C6orf52: variants seen among roughly 807,000 people sequenced by gnomAD.
C6orf52 encodes the protein chromosome 6 open reading frame 52.
C6orf52 carries 16 observed loss-of-function variants against 16.6 expected under a neutral mutation model. That is an observed-to-expected ratio of 0.96 (90% CI 0.65 to 1.46). The LOEUF (loss-of-function observed/expected upper bound fraction) is 1.46, where lower values mean the gene tolerates loss of function less well. C6orf52 is among the 40% of genes most tolerant of loss of function. C6orf52 has a pLI of 0.00. For synonymous variants in C6orf52, 53 were observed against 61.4 expected, an observed-to-expected ratio of 0.86 and a Z score of 0.64; for missense variants, 166 against 182.3, an observed-to-expected ratio of 0.91 and a Z score of 0.52.
intron 4 of C6orf52, among the ~76,000 whole-genome samples, chr6:10,680,587 T>C (rs1050967685): frequency 6.6e-6 from 1 of 152,052 alleles, no homozygotes; most frequent in Non-Finnish European, 1.5e-5. Flanking sequence ...GACATGGCAT[T>C]AGTTCTTCTT....
At chr6:10,676,593 G>A (rs1241407464) in intron 4 of C6orf52, among the ~76,000 whole-genome samples, 1 of 152,204 alleles carries the variant, frequency 6.6e-6, no homozygotes, top group South Asian at 2.1e-4. Context: ...GCGGACAAGT[G>A]GAAAGTCTAT....
chr6:10,673,491 A>G (rs548055113), intron 4 of C6orf52, among the ~76,000 whole-genome samples: 4 of 152,228 alleles, frequency 2.6e-5, no homozygotes, highest in Non-Finnish European at 5.9e-5. Flanking sequence ...TGATGTAAGG[A>G]TAAAATATAC....
At position 10,690,336 on chromosome 6, in the gene C6orf52, G is replaced by T. The variant is rs991015082; in HGVS notation, c.-11-2775C>A. Reference sequence around the variant, plus strand: ...TCAGGTGAAGCAAATTTCTATTGGGGCACACTACTGGACAGGTTCAGGGCA... The same window carrying T: ...TCAGGTGAAGCAAATTTCTATTGGGTCACACTACTGGACAGGTTCAGGGCA... On this transcript the variant is annotated intron_variant, in intron 1 of 4. Coordinates refer to ENST00000259983, the MANE Select transcript of C6orf52 (RefSeq NM_001145020.3). 2.0e-5 allele frequency among the ~76,000 whole-genome samples: 3 copies of T among 152,080 alleles called. No homozygotes were observed. The East Asian group carries it at 5.8e-4, about 29-fold the overall frequency.
intron 1 of C6orf52, among the ~76,000 whole-genome samples, chr6:10,690,737 AAAC>A (rs1277589806): frequency 1.3e-5 from 2 of 152,228 alleles, no homozygotes; most frequent in Non-Finnish European, 2.9e-5. Context: ...CAAAGCTACA[AAAC>A]AATATCCTCT....
At chr6:10,682,773 A>T (rs2127466170) in intron 4 of C6orf52, among the ~76,000 whole-genome samples, 1 of 152,334 alleles carries the variant, frequency 6.6e-6, no homozygotes, top group South Asian at 2.1e-4. Context: ...TACAGGAAGC[A>T]CCACCAGACT....
intron 1 of C6orf52, among the ~76,000 whole-genome samples, chr6:10,690,895 C>T (rs965887303): frequency 6.6e-6 from 1 of 152,180 alleles, no homozygotes; most frequent in African/African-American, 2.4e-5. Context: ...CAGTTCCAAT[C>T]CAGTTAAACA....
chr6:10,672,428 A>T lies in C6orf52; in HGVS notation c.317-830T>A, dbSNP rs906234732. ...TTAAAAGCCTAACCCCCACAATGTG[A>T]AGGCATTTGGAGATGGGGCCTCTGG... On this transcript the variant is annotated intron_variant, in intron 4 of 4. Coordinates refer to ENST00000259983, the MANE Select transcript of C6orf52 (RefSeq NM_001145020.3). 9.6e-6 allele frequency: 5 copies of T among 523,272 alleles called. No individual in the cohort carries two copies. In the African/African-American group the frequency reaches 9.8e-5, roughly 10 times the overall value. 32.4% of individuals were successfully genotyped at this position (523,272 alleles called of 1,614,324 possible). A position where few individuals can be genotyped will look rare whatever the true frequency, so the allele number is the denominator to read the frequency against.
intron 3 of C6orf52, among the ~76,000 whole-genome samples, chr6:10,683,803 A>G (rs1768615440): frequency 6.6e-6 from 1 of 152,256 alleles, no homozygotes; most frequent in Non-Finnish European, 1.5e-5. Context: ...AGGTACTCCC[A>G]AAGTAAATCT....
rs73439064 is a variant in C6orf52, at chr6:10,675,250, T to C, written c.317-3652A>G. On this transcript the variant is annotated intron_variant, in intron 4 of 4. Coordinates refer to ENST00000259983, the MANE Select transcript of C6orf52 (RefSeq NM_001145020.3). Reference sequence around the variant, plus strand: ...ATGCTCTACTGCTATGAAATAAGCTTTTTAAGATTCCACATGAGTGAAATC... The same window carrying C: ...ATGCTCTACTGCTATGAAATAAGCTCTTTAAGATTCCACATGAGTGAAATC... Among the ~76,000 whole-genome samples the C allele has an allele frequency of 2.8e-3, 432 of 152,320 alleles. 2 individuals carry two copies. Among genetic ancestry groups the C allele is most frequent in the African/African-American group, 1.0e-2 (414 of 41,566 alleles).
intron 4 of C6orf52, among the ~76,000 whole-genome samples, chr6:10,673,671 G>C (rs1447761359): frequency 6.6e-6 from 1 of 152,142 alleles, no homozygotes; most frequent in Admixed American, 6.5e-5. Context: ...ACATTTAAAA[G>C]TCTATTGCTT....
intron 3 of C6orf52, chr6:10,685,015 C>T (rs182551970): frequency 3.6e-6 from 2 of 555,216 alleles, no homozygotes; most frequent in East Asian, 8.5e-5. Context: ...GATAAAAATC[C>T]CAGACTGTGC....
At chr6:10,672,811 T>C (rs1203382566) in intron 4 of C6orf52, among the ~76,000 whole-genome samples, 1 of 152,144 alleles carries the variant, frequency 6.6e-6, no homozygotes, top group Non-Finnish European at 1.5e-5. Flanking sequence ...GGATATTGGA[T>C]TTCCAGCCTC....
intron 4 of C6orf52, among the ~76,000 whole-genome samples, chr6:10,677,520 T>C (rs1200494041): frequency 6.6e-6 from 1 of 151,630 alleles, no homozygotes; most frequent in Non-Finnish European, 1.5e-5. Flanking sequence ...ATACAAATTA[T>C]AGTATCATTT....
chr6:10,693,083 C>A (rs1016901101), intron 1 of C6orf52, among the ~76,000 whole-genome samples: 2 of 152,170 alleles, frequency 1.3e-5, no homozygotes, highest in Non-Finnish European at 2.9e-5. Context: ...CTCTGTTAAG[C>A]CCTATTGTAT....
At chr6:10,688,882 G>A (rs1042952234) in intron 1 of C6orf52, among the ~76,000 whole-genome samples, 1 of 152,072 alleles carries the variant, frequency 6.6e-6, no homozygotes, top group Non-Finnish European at 1.5e-5. Flanking sequence ...CATGATCTTG[G>A]CTCACTGCAA....
At chr6:10,674,121 C>T (rs1227466267) in intron 4 of C6orf52, among the ~76,000 whole-genome samples, 1 of 152,132 alleles carries the variant, frequency 6.6e-6, no homozygotes, top group Non-Finnish European at 1.5e-5. Flanking sequence ...GCCCAGAAGT[C>T]ATGTCTTCAC....
At chr6:10,686,933 G>T (rs779420449) in intron 3 of C6orf52, 33 bp downstream of exon 3, 1 of 1,447,034 alleles carries the variant, frequency 6.9e-7, no homozygotes, top group East Asian at 2.5e-5. Context: ...TTGGGCACAC[G>T]AATGACACAA....
chr6:10,676,216 T>C (rs1026155151), intron 4 of C6orf52, among the ~76,000 whole-genome samples: 1 of 152,194 alleles, frequency 6.6e-6, no homozygotes, highest in African/African-American at 2.4e-5. Context: ...ATAAAAATTT[T>C]TTTAAATGTG....
At chr6:10,685,247 G>GAAAA (rs34615421) in intron 3 of C6orf52, among the ~76,000 whole-genome samples, 3 of 73,040 alleles carry the variant, frequency 4.1e-5, no homozygotes, top group African/African-American at 1.0e-4. Context: ...AGGGGCAAAA[G>GAAAA]AAAAAAAAAA....
Sources: gnomAD v4.1 joint callset for allele counts (sites outside exome capture counted in the v4.1 genomes callset) on GRCh38, gnomAD v4.1.1 for gene constraint, MANE v1.5 for transcripts, NCBI Gene and HGNC (gene_info 2026-07-23, HGNC 2026-07-21) for gene names.